The following MEGF10 variants were observed in gnomAD, a reference collection of about 807,000 sequenced individuals.
MEGF10 encodes multiple epidermal growth factor-like domains protein 10.
MEGF10 carries 86 observed loss-of-function variants against 147.5 expected under a neutral mutation model. That is an observed-to-expected ratio of 0.58 (90% CI 0.49 to 0.70). MEGF10 has a LOEUF of 0.70. MEGF10 is among the 30% of genes least tolerant of loss of function. The pLI, the probability that MEGF10 is intolerant of heterozygous loss-of-function variation, is 0.00. For missense variants in MEGF10, 1,329 were observed against 1,487.3 expected, an observed-to-expected ratio of 0.89 and a Z score of 1.75; for synonymous variants, 478 against 525.5, an observed-to-expected ratio of 0.91 and a Z score of 1.24.
At chr5:127,354,831 G>C (rs1762220108) in intron 4 of MEGF10, among the ~76,000 whole-genome samples, 1 of 152,174 alleles carries the variant, frequency 6.6e-6, no homozygotes, top group South Asian at 2.1e-4. Context: ...ACAGTTTTGT[G>C]TTGGGGATGG....
intron 1 of MEGF10, among the ~76,000 whole-genome samples, chr5:127,305,210 G>T (rs565433988): frequency 6.6e-6 from 1 of 152,328 alleles, no homozygotes; most frequent in South Asian, 2.1e-4. Flanking sequence ...TAGAGGAGGT[G>T]CTAATGAGCA....
the MEGF10 span, among the ~76,000 whole-genome samples, chr5:127,242,417 T>A: frequency 6.6e-6 from 1 of 152,210 alleles, no homozygotes; most frequent in Admixed American, 6.5e-5. Flanking sequence ...ATTGCAGGGA[T>A]TTATACATTC....
chr5:127,422,209 T>C (rs905512491), intron 12 of MEGF10, among the ~76,000 whole-genome samples: 5 of 152,034 alleles, frequency 3.3e-5, no homozygotes, highest in Admixed American at 2.6e-4. Flanking sequence ...TAAGAAGACA[T>C]AGAAAGAGGT....
At chr5:127,313,404 G>A (rs1760382761) in intron 1 of MEGF10, among the ~76,000 whole-genome samples, 1 of 152,152 alleles carries the variant, frequency 6.6e-6, no homozygotes, top group Non-Finnish European at 1.5e-5. Flanking sequence ...TAAAGCATAT[G>A]ATTTATGGAG....
At chr5:127,279,204 G>T in the MEGF10 span, among the ~76,000 whole-genome samples, 1 of 152,178 alleles carries the variant, frequency 6.6e-6, no homozygotes, top group Admixed American at 6.5e-5. Flanking sequence ...AAAAGGCTAG[G>T]ATCAATGGAT....
At chr5:127,302,874 AG>A (rs1164707122) in intron 1 of MEGF10, among the ~76,000 whole-genome samples, 1 of 152,202 alleles carries the variant, frequency 6.6e-6, no homozygotes, top group Non-Finnish European at 1.5e-5. Context: ...TGACCAGAGA[AG>A]GCTTCTTGGA....
chr5:127,349,494 A>G (rs1338431090), intron 4 of MEGF10, among the ~76,000 whole-genome samples: 1 of 152,140 alleles, frequency 6.6e-6, no homozygotes, highest in Non-Finnish European at 1.5e-5. Flanking sequence ...TTAAACACTA[A>G]CTACCCCTAC....
At position 127,391,094 on chromosome 5, in the gene MEGF10, GCGCGCGCGCACACACA is replaced by G. The variant is rs1342721220; in HGVS notation, c.413-5436_413-5421del. 8.2e-4 allele frequency among the ~76,000 whole-genome samples: 20 copies of G among 24,422 alleles called. 1 individual carries two copies. Among genetic ancestry groups the G allele is most frequent in the Admixed American group, 1.7e-3 (5 of 2,976 alleles). The allele number at this position is 24,422 out of a possible 152,430, so 16.0% of individuals were successfully genotyped here. Reference sequence around the variant, plus strand: ...TATACATACATACACACATGCGCGCGCGCGCGCGCACACACACACACACACACACACACACACACAC... The same window carrying G: ...TATACATACATACACACATGCGCGCGCACACACACACACACACACACACAC... On this transcript the variant is annotated intron_variant, in intron 5 of 24. Coordinates refer to ENST00000503335, the MANE Select transcript of MEGF10 (RefSeq NM_001256545.2).
chr5:127,424,573 T>C, intron 13 of MEGF10: 2 of 1,386,966 alleles, frequency 1.4e-6, no homozygotes, highest in Non-Finnish European at 1.9e-6. Context: ...GCTTCTTTGG[T>C]TTCTAAAGGA....
chr5:127,385,076 TA>T (rs1241334708), intron 5 of MEGF10, among the ~76,000 whole-genome samples: 2 of 152,226 alleles, frequency 1.3e-5, no homozygotes, highest in African/African-American at 4.8e-5. Context: ...TGGTCTCCTC[TA>T]AAAGGCACTC....
chr5:127,247,385 AG>A, the MEGF10 span, among the ~76,000 whole-genome samples: 1 of 22,344 alleles, frequency 4.5e-5, no homozygotes. Flanking sequence ...AAGAAGAAGA[AG>A]AAGAAGAAGA....
intron 2 of MEGF10, among the ~76,000 whole-genome samples, chr5:127,332,904 A>G (rs1377766975): frequency 6.6e-6 from 1 of 152,198 alleles, no homozygotes; most frequent in African/African-American, 2.4e-5. Context: ...GATGGGAGGA[A>G]AAGTCAAGTT....
chr5:127,417,599 A>G, intron 9 of MEGF10, 39 bp from the exon 10 acceptor site: 1 of 1,608,606 alleles, frequency 6.2e-7, no homozygotes, highest in Non-Finnish European at 8.5e-7. Context: ...TGTCATGTTT[A>G]CCCCAAAGTG....
chr5:127,392,687 A>C (rs1189002441), intron 5 of MEGF10, among the ~76,000 whole-genome samples: 1 of 152,204 alleles, frequency 6.6e-6, no homozygotes, highest in Non-Finnish European at 1.5e-5. Flanking sequence ...CCGTGAATGT[A>C]ACCTGGGGTT....
intron 9 of MEGF10, among the ~76,000 whole-genome samples, chr5:127,415,203 G>A (rs1764713048): frequency 6.6e-6 from 1 of 152,208 alleles, no homozygotes; most frequent in Non-Finnish European, 1.5e-5. Flanking sequence ...CCCACGGGCT[G>A]TATTTAGGGT....
At chr5:127,295,052 C>A (rs570950606) in intron 1 of MEGF10, among the ~76,000 whole-genome samples, 1 of 152,178 alleles carries the variant, frequency 6.6e-6, no homozygotes, top group African/African-American at 2.4e-5. Flanking sequence ...CAACTTTGCT[C>A]TGTGCTTTTC....
intron 8 of MEGF10, among the ~76,000 whole-genome samples, chr5:127,404,488 TGG>T (rs1764252022): frequency 6.6e-6 from 1 of 152,134 alleles, no homozygotes; most frequent in Non-Finnish European, 1.5e-5. Flanking sequence ...TCTCATTCTG[TGG>T]GCTGGCTCTT....
intron 1 of MEGF10, among the ~76,000 whole-genome samples, chr5:127,307,650 T>G (rs1760074696): frequency 6.6e-6 from 1 of 152,142 alleles, no homozygotes; most frequent in Non-Finnish European, 1.5e-5. Flanking sequence ...TTTCACTAAC[T>G]TCAGACCAAA....
At chr5:127,390,381 C>T (rs11952947) in intron 5 of MEGF10, among the ~76,000 whole-genome samples, 25,758 of 151,978 alleles carry the variant, frequency 0.17, 2,352 homozygotes, top group African/African-American at 0.24. Context: ...CCTCAACCTC[C>T]TGGGCTCAAG....
Sources: allele counts gnomAD v4.1 joint callset (sites outside exome capture counted in the v4.1 genomes callset), GRCh38; gene constraint gnomAD v4.1.1; transcripts MANE v1.5; gene names NCBI Gene and HGNC (gene_info 2026-07-23, HGNC 2026-07-21).